Variants in CNTNAP2 observed in about 807,000 individuals in gnomAD.
The protein encoded by CNTNAP2 is contactin-associated protein-like 2.
A neutral mutation model predicts 155.2 loss-of-function variants in CNTNAP2; 98 were observed. The observed-to-expected ratio is 0.63, with a 90% CI of 0.54 to 0.75. CNTNAP2 has a LOEUF of 0.75. Ranked by LOEUF, CNTNAP2 falls within the 30% of genes least tolerant of loss-of-function variation. CNTNAP2 has a pLI of 0.00. For synonymous variants in CNTNAP2, 651 were observed against 631.2 expected (o/e 1.03, Z -0.47); for missense variants, 1,727 against 1,688.1 (o/e 1.02, Z -0.40).
chr7:146,946,078 C>CTTCCTTCCTTCCTTCCTTTCCTTCT (rs1554413544), intron 3 of CNTNAP2, among the ~76,000 whole-genome samples: 2 of 150,346 alleles, frequency 1.3e-5, no homozygotes, highest in African/African-American at 4.9e-5. Context: ...CCTTCCCTTC[C>CTTCCTTCCTTCCTTCCTTTCCTTCT]TTCCTTCCTT....
intron 1 of CNTNAP2, among the ~76,000 whole-genome samples, chr7:146,410,316 A>G (rs1287517151): frequency 6.6e-6 from 1 of 152,128 alleles, no homozygotes; most frequent in Non-Finnish European, 1.5e-5. Flanking sequence ...CATGGGAAAA[A>G]CTGAGTAGTT....
intron 1 of CNTNAP2, among the ~76,000 whole-genome samples, chr7:146,281,728 G>A (rs908447770): frequency 1.1e-4 from 16 of 151,914 alleles, no homozygotes; most frequent in African/African-American, 3.4e-4. Flanking sequence ...CCGGGAGGTG[G>A]AGGTTGCAGT....
chr7:147,770,813 T>C (rs1797457099), intron 13 of CNTNAP2, among the ~76,000 whole-genome samples: 1 of 152,202 alleles, frequency 6.6e-6, no homozygotes, highest in Admixed American at 6.5e-5. Flanking sequence ...AATAGCAGTC[T>C]AAATTCTAAC....
chr7:148,167,608 A>G (rs1805693237), intron 17 of CNTNAP2, among the ~76,000 whole-genome samples: 1 of 152,210 alleles, frequency 6.6e-6, no homozygotes, highest in Admixed American at 6.5e-5. Context: ...ACAGGCCCAG[A>G]GGGAGAGCCT....
intron 9 of CNTNAP2, among the ~76,000 whole-genome samples, chr7:147,317,110 A>G (rs1795246526): frequency 6.6e-6 from 1 of 152,196 alleles, no homozygotes; most frequent in African/African-American, 2.4e-5. Flanking sequence ...TATTCATCTC[A>G]TAAATGATTT....
chr7:147,533,788 T>C (rs1799487827), intron 11 of CNTNAP2, among the ~76,000 whole-genome samples: 1 of 152,024 alleles, frequency 6.6e-6, no homozygotes, highest in Non-Finnish European at 1.5e-5. Context: ...TAAGAATAGT[T>C]TTAACTATAC....
At chr7:147,812,177 G>A (rs980851878) in intron 13 of CNTNAP2, among the ~76,000 whole-genome samples, 15 of 152,120 alleles carry the variant, frequency 9.9e-5, no homozygotes, top group Admixed American at 5.9e-4. Flanking sequence ...TAGGGAGAGC[G>A]GCCAGTCCAG....
intron 1 of CNTNAP2, among the ~76,000 whole-genome samples, chr7:146,318,204 TATA>T (rs1584866456): frequency 1.3e-5 from 2 of 152,158 alleles, no homozygotes; most frequent in Non-Finnish European, 2.9e-5. Flanking sequence ...AACTAGTGAT[TATA>T]ATGATTATGA....
intron 5 of CNTNAP2, among the ~76,000 whole-genome samples, chr7:147,111,085 G>C (rs1210428876): frequency 6.6e-6 from 1 of 152,092 alleles, no homozygotes. Flanking sequence ...GTGTGAGATG[G>C]TATCTCATTG....
chr7:146,212,440 C>T (rs939197934), intron 1 of CNTNAP2, among the ~76,000 whole-genome samples: 1 of 152,040 alleles, frequency 6.6e-6, no homozygotes, highest in African/African-American at 2.4e-5. Flanking sequence ...AACATTCAGC[C>T]CAGGTATGTA....
intron 13 of CNTNAP2, among the ~76,000 whole-genome samples, chr7:147,822,897 C>T (rs1478406735): frequency 6.6e-6 from 1 of 152,154 alleles, no homozygotes; most frequent in African/African-American, 2.4e-5. Flanking sequence ...TTACTCTACT[C>T]TTATTTGCTA....
chr7:147,280,103 T>C (rs1276708341), intron 8 of CNTNAP2, among the ~76,000 whole-genome samples: 3 of 151,896 alleles, frequency 2.0e-5, no homozygotes, highest in Admixed American at 6.6e-5. Context: ...AAACTCTTTC[T>C]TGTGTAACCA....
chr7:146,528,071 T>A (rs1413201049), intron 1 of CNTNAP2, among the ~76,000 whole-genome samples: 1 of 152,174 alleles, frequency 6.6e-6, no homozygotes, highest in Non-Finnish European at 1.5e-5. Flanking sequence ...CAGAGTCTTC[T>A]CAAAGAGGGC....
intron 8 of CNTNAP2, among the ~76,000 whole-genome samples, chr7:147,229,670 C>T (rs1210228689): frequency 2.6e-5 from 4 of 152,158 alleles, no homozygotes; most frequent in African/African-American, 9.7e-5. Context: ...AGGTAGTAAT[C>T]AATATTCTCA....
rs567471145 is a variant in CNTNAP2 at position 147,526,805 on chromosome 7, A to G, written c.1778-35333A>G. ...ACTAGTCCTCTTCCACCGGTATGTC[A>G]AGTATTAAGAGAAAGAAGAAAGACG... On this transcript the variant is annotated intron_variant, in intron 11 of 23. Coordinates refer to ENST00000361727, the MANE Select transcript of CNTNAP2 (RefSeq NM_014141.6). Among the ~76,000 whole-genome samples, 8 of 152,242 alleles carry G rather than the reference A, an allele frequency of 5.3e-5. No individual in the cohort carries two copies. The South Asian group carries it at 1.7e-3, about 32-fold the overall frequency.
intron 6 of CNTNAP2, among the ~76,000 whole-genome samples, chr7:147,127,581 C>T (rs1801265955): frequency 6.6e-6 from 1 of 152,080 alleles, no homozygotes; most frequent in Non-Finnish European, 1.5e-5. Flanking sequence ...CATTTCACCC[C>T]ATCAAACATG....
At chr7:147,783,136 A>T (rs933158391) in intron 13 of CNTNAP2, among the ~76,000 whole-genome samples, 5 of 152,216 alleles carry the variant, frequency 3.3e-5, no homozygotes, top group Non-Finnish European at 5.9e-5. Flanking sequence ...AATCAAGAAA[A>T]TAATGCATAA....
chr7:146,930,121 C>T (rs1049017085), intron 3 of CNTNAP2, among the ~76,000 whole-genome samples: 1 of 151,968 alleles, frequency 6.6e-6, no homozygotes, highest in African/African-American at 2.4e-5. Flanking sequence ...AAGAGCAACT[C>T]CAAGACACAT....
At chr7:146,327,588 C>T (rs1801118625) in intron 1 of CNTNAP2, among the ~76,000 whole-genome samples, 1 of 152,150 alleles carries the variant, frequency 6.6e-6, no homozygotes, top group African/African-American at 2.4e-5. Flanking sequence ...TGTTTCATTG[C>T]TTATCAACAA....
Sources: allele counts gnomAD v4.1 joint callset (sites outside exome capture counted in the v4.1 genomes callset), GRCh38; gene constraint gnomAD v4.1.1; transcripts MANE v1.5; gene names NCBI Gene and HGNC (gene_info 2026-07-23, HGNC 2026-07-21).